DTNB: variants seen among roughly 807,000 people sequenced by gnomAD.
DTNB encodes the protein dystrobrevin beta, also known as DTN-B.
A neutral mutation model predicts 90.7 loss-of-function variants in DTNB; 63 were observed. That is an observed-to-expected ratio of 0.69 (90% CI 0.57 to 0.86). The LOEUF is 0.86. Ranked by LOEUF, DTNB falls within the 40% of genes least tolerant of loss-of-function variation. The pLI is 0.00. For synonymous variants in DTNB, 277 were observed against 286.7 expected, an observed-to-expected ratio of 0.97 and a Z score of 0.34; for missense variants, 744 against 807.1, an observed-to-expected ratio of 0.92 and a Z score of 0.95.
chr2:25,607,206 G>A (rs562890014), intron 5 of DTNB, 30 bp downstream of exon 5: 3 of 1,553,550 alleles, frequency 1.9e-6, no homozygotes, highest in African/African-American at 1.4e-5. Context: ...TTTGAAAATG[G>A]CATTTTTCAA....
chr2:25,539,853 T>C (rs2080789974), intron 8 of DTNB, among the ~76,000 whole-genome samples: 1 of 152,212 alleles, frequency 6.6e-6, no homozygotes, highest in Admixed American at 6.5e-5. Context: ...TCTTCACTTT[T>C]CATATTTAAA....
intron 10 of DTNB, among the ~76,000 whole-genome samples, chr2:25,469,329 A>C (rs1213376547): frequency 6.6e-6 from 1 of 152,184 alleles, no homozygotes; most frequent in Non-Finnish European, 1.5e-5. Context: ...AATTTACAGC[A>C]TACTCCAGGT....
At chr2:25,460,203 A>G (rs1422751553) in intron 10 of DTNB, among the ~76,000 whole-genome samples, 1 of 152,162 alleles carries the variant, frequency 6.6e-6, no homozygotes, top group African/African-American at 2.4e-5. Flanking sequence ...TGAATGAGCA[A>G]CTGGGAAAAT....
At chr2:25,433,782 G>T in intron 13 of DTNB, 128 bp downstream of exon 13, 1 of 1,003,270 alleles carries the variant, frequency 1.0e-6, no homozygotes, top group Non-Finnish European at 1.5e-6. Flanking sequence ...ACTTGGGCTA[G>T]CCTAGGTTCA....
At chr2:25,580,044 C>T (rs971238342) in intron 7 of DTNB, among the ~76,000 whole-genome samples, 9 of 133,150 alleles carry the variant, frequency 6.8e-5, no homozygotes, top group East Asian at 6.7e-4. Context: ...TGCAGTGGTG[C>T]GATCTCAACT....
At chr2:25,617,342 A>G (rs1367994173) in intron 4 of DTNB, among the ~76,000 whole-genome samples, 1 of 152,204 alleles carries the variant, frequency 6.6e-6, no homozygotes, top group Non-Finnish European at 1.5e-5. Context: ...CAGACAGGAG[A>G]GATTTGGCGA....
intron 16 of DTNB, among the ~76,000 whole-genome samples, chr2:25,397,680 G>A (rs535735000): frequency 2.6e-5 from 4 of 152,174 alleles, no homozygotes; most frequent in African/African-American, 9.6e-5. Context: ...AGGAGTTTGA[G>A]ACCAGCCTGG....
At chr2:25,473,332 G>A (rs2063156925) in intron 10 of DTNB, among the ~76,000 whole-genome samples, 1 of 152,240 alleles carries the variant, frequency 6.6e-6, no homozygotes, top group Non-Finnish European at 1.5e-5. Context: ...ATTTGGAAAT[G>A]TTTGTTCTGT....
intron 9 of DTNB, among the ~76,000 whole-genome samples, chr2:25,518,086 G>C (rs2075433405): frequency 6.6e-6 from 1 of 152,088 alleles, no homozygotes; most frequent in African/African-American, 2.4e-5. Context: ...TGTTTAACGG[G>C]TATGGAAAAA....
At chr2:25,530,950 C>G (rs1238836925) in intron 9 of DTNB, among the ~76,000 whole-genome samples, 2 of 152,186 alleles carry the variant, frequency 1.3e-5, no homozygotes, top group Admixed American at 1.3e-4. Context: ...TCTCCTCTAG[C>G]TTTGCTTTAC....
chr2:25,441,569 A>G (rs551573136), intron 12 of DTNB, among the ~76,000 whole-genome samples: 27 of 152,364 alleles, frequency 1.8e-4, no homozygotes, highest in African/African-American at 6.3e-4. Context: ...GCAACTCAGT[A>G]TCGTGTGTTA....
At chr2:25,478,615 G>C (rs2064238779) in intron 10 of DTNB, among the ~76,000 whole-genome samples, 1 of 151,858 alleles carries the variant, frequency 6.6e-6, no homozygotes, top group Admixed American at 6.6e-5. Flanking sequence ...GCTCACTGCA[G>C]CCTCAAATTC....
chr2:25,394,112 C>A (rs944952864), intron 16 of DTNB, among the ~76,000 whole-genome samples: 10 of 152,184 alleles, frequency 6.6e-5, no homozygotes, highest in Admixed American at 1.3e-4. Flanking sequence ...CCCAACTGAT[C>A]TTTGACAAAG....
At position 25,396,345 on chromosome 2, in the gene DTNB, T is replaced by C. The variant is rs55935139; in HGVS notation, c.1576-7984A>G. On this transcript the variant is annotated intron_variant, in intron 16 of 20. Transcript: ENST00000406818. ...GGCCAACATGGTGAAACTCCATCTC[T>C]ACTAAAAATACAAAAATTAGCCAGA... Among the ~76,000 whole-genome samples, 232 of 152,224 alleles carry C rather than the reference T, an allele frequency of 1.5e-3. 3 individuals carry two copies. The highest frequency in any genetic ancestry group is 5.4e-3 in the African/African-American group (225 of 41,540).
chr2:25,387,992 T>C lies in DTNB; in HGVS notation c.1735+210A>G, dbSNP rs2039990226. Among the ~76,000 whole-genome samples, 1 of 152,226 alleles carries C rather than the reference T, an allele frequency of 6.6e-6. No individual in the cohort carries two copies. The highest frequency in any genetic ancestry group is 6.5e-5 in the Admixed American group (1 of 15,286). On this transcript the variant is annotated intron_variant, in intron 17 of 20. Transcript: ENST00000406818. This position sits in a 1 kb window ranked among gnomAD's most constrained non-coding sequence, Gnocchi z 4.5. ...CAGAGAACCCCAGGAGGCCTGTTCTTGGCACACATAGGAAGCCTGCAGCCC... is the reference window on the plus strand; with the variant it reads ...CAGAGAACCCCAGGAGGCCTGTTCTCGGCACACATAGGAAGCCTGCAGCCC...
intron 8 of DTNB, among the ~76,000 whole-genome samples, chr2:25,570,097 GAAAA>G (rs58904320): frequency 8.0e-6 from 1 of 124,928 alleles, no homozygotes. Context: ...ACTGCATCTG[GAAAA>G]AAAAAAAAAA....
intron 1 of DTNB, among the ~76,000 whole-genome samples, chr2:25,669,064 A>G (rs982577581): frequency 1.3e-5 from 2 of 152,220 alleles, no homozygotes; most frequent in African/African-American, 4.8e-5. Flanking sequence ...TGAGGTACCT[A>G]GAGTAGTCGA....
chr2:25,474,064 T>C (rs1458632393), intron 10 of DTNB, among the ~76,000 whole-genome samples: 1 of 152,210 alleles, frequency 6.6e-6, no homozygotes, highest in Non-Finnish European at 1.5e-5. Flanking sequence ...TATTTAAGTA[T>C]GGACTTGGAA....
rs898361540 is a variant in DTNB at position 25,650,246 on chromosome 2, C to G, written c.67+2348G>C. Reference sequence around the variant, plus strand: ...TTGTGTATTTGGTTTCCTATTTTGTCTGCTTCCCTTTACTAACATGGAAGT... The same window carrying G: ...TTGTGTATTTGGTTTCCTATTTTGTGTGCTTCCCTTTACTAACATGGAAGT... On this transcript the variant is annotated intron_variant, in intron 2 of 20. Transcript: ENST00000406818. 4 of 985,294 alleles carry G rather than the reference C, an allele frequency of 4.1e-6. No individual in the cohort carries two copies. In the African/African-American group the frequency reaches 7.0e-5, roughly 17 times the overall value. The allele number at this position is 985,294 out of a possible 1,614,324, so 61.0% of individuals were successfully genotyped here. A position where few individuals can be genotyped will look rare whatever the true frequency, so the allele number is the denominator to read the frequency against.
Sources: allele counts gnomAD v4.1 joint callset (sites outside exome capture counted in the v4.1 genomes callset), GRCh38; gene constraint gnomAD v4.1.1; non-coding constraint Gnocchi (gnomAD v3.1); transcripts MANE v1.5; gene names NCBI Gene and HGNC (gene_info 2026-07-23, HGNC 2026-07-21).